Variants in PCCA observed in about 807,000 individuals in gnomAD.
PCCA encodes propionyl-CoA carboxylase subunit alpha.
PCCA carries 74 observed loss-of-function variants against 101.3 expected under a neutral mutation model. The ratio of observed to expected loss-of-function variants is 0.73; its 90% CI spans 0.61 to 0.89. The LOEUF is 0.89. PCCA is among the 40% of genes least tolerant of loss of function. The pLI, the probability that PCCA is intolerant of heterozygous loss-of-function variation, is 0.00. For synonymous variants in PCCA, 294 were observed against 313.6 expected (o/e 0.94, Z 0.66); for missense variants, 891 against 907.0 (o/e 0.98, Z 0.23).
intron 12 of PCCA, among the ~76,000 whole-genome samples, chr13:100,282,463 A>T (rs1156750118): frequency 6.6e-6 from 1 of 152,176 alleles, no homozygotes; most frequent in Non-Finnish European, 1.5e-5. Context: ...CGCAAGCTGG[A>T]ACTGGGGCTG....
At chr13:100,464,404 G>A (rs567564227) in intron 21 of PCCA, 11 of 152,248 alleles carry the variant, frequency 7.2e-5, no homozygotes, top group South Asian at 2.1e-4. Context: ...AAAAGAAAAC[G>A]TTTGTAAAAT....
chr13:100,094,281 A>G (rs1433474942), intron 1 of PCCA, among the ~76,000 whole-genome samples: 1 of 151,204 alleles, frequency 6.6e-6, no homozygotes, highest in Non-Finnish European at 1.5e-5. Context: ...AAGATCTTTG[A>G]TCTTTAATGA....
chr13:100,432,229 T>C (rs1184022492), intron 20 of PCCA, among the ~76,000 whole-genome samples: 1 of 152,208 alleles, frequency 6.6e-6, no homozygotes, highest in African/African-American at 2.4e-5. Context: ...CGTGCTTCTC[T>C]TCCCTTACTA....
At chr13:100,327,727 A>G (rs887052378) in intron 16 of PCCA, among the ~76,000 whole-genome samples, 2 of 152,192 alleles carry the variant, frequency 1.3e-5, no homozygotes, top group Non-Finnish European at 2.9e-5. Flanking sequence ...AGCACTTGCT[A>G]TTATCTGTCT....
chr13:100,515,605 T>TCC lies in PCCA; in HGVS notation c.2040+39_2040+40insCC. 5 of 1,609,310 alleles carry TCC rather than the reference T, an allele frequency of 3.1e-6. No individual in the cohort carries two copies. In the South Asian group the frequency reaches 5.5e-5, roughly 18 times the overall value. On this transcript the variant is annotated intron_variant, in intron 22 of 23. Coordinates refer to ENST00000376285, the MANE Select transcript of PCCA (RefSeq NM_000282.4). ...TGTGTCTCTCTGCAGGACATGCTGG[T>TCC]CTCCAACTTCCCCTTCCAAAGCGAC...
chr13:100,124,090 T>C (rs1220964562), intron 4 of PCCA, among the ~76,000 whole-genome samples: 2 of 152,212 alleles, frequency 1.3e-5, no homozygotes, highest in Non-Finnish European at 2.9e-5. Flanking sequence ...GACTAGTATG[T>C]CTTTCCACAA....
intron 6 of PCCA, among the ~76,000 whole-genome samples, chr13:100,195,155 G>T (rs2058029117): frequency 6.6e-6 from 1 of 152,066 alleles, no homozygotes; most frequent in Non-Finnish European, 1.5e-5. Context: ...GAGGTATAGA[G>T]GAAAGAAATT....
chr13:100,425,709 A>T lies in PCCA; in HGVS notation c.1823A>T (p.Asp608Val). 1.2e-6 allele frequency: 2 copies of T among 1,613,464 alleles called. No homozygotes were observed. The highest frequency in any genetic ancestry group is 2.7e-5 in the African/African-American group (2 of 75,048). The change falls in exon 20 of 24, where the codon GAT (aspartate) becomes GTT (valine). Residue 608 changes from aspartate to valine, a missense_variant. Asp to Val is a radical substitution (Grantham distance 152). Coordinates refer to ENST00000376285, the MANE Select transcript of PCCA (RefSeq NM_000282.4). ...LASPLLSVSV[D>V]GTQRTVQCLS... ...TCGCCCTTATTGTCTGTCAGCGTTG[A>T]TGGCACTCAGAGGACTGTCCAGGTG... is the stretch of plus-strand genomic sequence containing the variant.
chr13:100,209,726 G>C (rs1166032695), intron 7 of PCCA, among the ~76,000 whole-genome samples: 1 of 152,104 alleles, frequency 6.6e-6, no homozygotes, highest in African/African-American at 2.4e-5. Flanking sequence ...CTGCCTCCTG[G>C]GTTCAAGCGA....
intron 4 of PCCA, among the ~76,000 whole-genome samples, chr13:100,141,465 C>A (rs1026284235): frequency 2.0e-5 from 3 of 152,112 alleles, no homozygotes; most frequent in Non-Finnish European, 4.4e-5. Flanking sequence ...GGCTGGAGTG[C>A]AGTGGCGTGA....
At chr13:100,419,388 C>T (rs903370663) in intron 19 of PCCA, among the ~76,000 whole-genome samples, 5 of 151,604 alleles carry the variant, frequency 3.3e-5, no homozygotes, top group South Asian at 4.2e-4. Context: ...AGGAGAATTG[C>T]GTGAACCTGG....
At position 100,196,091 on chromosome 13, in the gene PCCA, T is replaced by TTAAAA. The variant is rs1458244409; in HGVS notation, c.469-13235_469-13231dup. The stretch of plus-strand genomic sequence containing the variant: ...TAACGAACATAGTAATTCAAATTTT[T>TTAAAA]TAAAATAAAAAGTTTCCTCCATAAA... On this transcript the variant is annotated intron_variant, in intron 6 of 23. Transcript: ENST00000376285. Among the ~76,000 whole-genome samples, 6 of 152,262 alleles carry TTAAAA rather than the reference T, an allele frequency of 3.9e-5. No individual in the cohort carries two copies. The East Asian group carries it at 1.2e-3, about 29-fold the overall frequency.
intron 6 of PCCA, among the ~76,000 whole-genome samples, chr13:100,181,353 A>T (rs746921377): frequency 3.9e-5 from 6 of 152,244 alleles, no homozygotes; most frequent in Non-Finnish European, 8.8e-5. Context: ...TTTAAAAAAT[A>T]AAGTAGGGCA....
intron 12 of PCCA, among the ~76,000 whole-genome samples, chr13:100,280,530 C>T (rs2064017675): frequency 1.3e-5 from 2 of 152,124 alleles, no homozygotes; most frequent in South Asian, 2.1e-4. Context: ...ACCACACACA[C>T]CTGTCTCCCC....
rs924371283 is a variant in PCCA at position 100,273,111 on chromosome 13, C to T, written c.915-85C>T. 36 of 1,000,210 alleles carry T rather than the reference C, an allele frequency of 3.6e-5. No homozygotes were observed. In the African/African-American group the frequency reaches 4.5e-4, roughly 12 times the overall value. The allele number at this position is 1,000,210 out of a possible 1,614,324, so 62.0% of individuals were successfully genotyped here. On this transcript the variant is annotated intron_variant, in intron 11 of 23. Transcript: ENST00000376285. ...TATAGATGATCTATATCTGAGTAAA[C>T]TTTAAGAAAATGTTTATGTAATGCA... is the stretch of plus-strand genomic sequence containing the variant.
intron 7 of PCCA, among the ~76,000 whole-genome samples, chr13:100,215,450 C>T (rs544679470): frequency 6.6e-6 from 1 of 152,050 alleles, no homozygotes; most frequent in Admixed American, 6.6e-5. Flanking sequence ...AAAAAGACTG[C>T]TGGAAGGTGG....
intron 6 of PCCA, among the ~76,000 whole-genome samples, chr13:100,207,813 G>A (rs2058954247): frequency 1.3e-5 from 2 of 151,794 alleles, no homozygotes; most frequent in South Asian, 4.2e-4. Context: ...AGATTAAGAG[G>A]TCGAGATCAT....
rs2048364039 is a variant in PCCA, at chr13:100,111,997, T to C, written c.236T>C (p.Ile79Thr). The C allele has an allele frequency of 6.2e-7, 1 of 1,604,798 alleles. No homozygotes were observed. Among genetic ancestry groups the C allele is most frequent in the Non-Finnish European group, 8.5e-7 (1 of 1,172,912 alleles). ...ANRGEIACRV[I>T]RTCKKMGIKT... ...CATTAATATATTTTAAAATAGGTTA[T>C]TAGAACTTGCAAGAAGATGGGCATT... The change falls in exon 4 of 24, where the codon ATT becomes ACT. Residue 79 changes from isoleucine (I) to threonine (T), a missense_variant. Physicochemically the swap from Ile to Thr is moderately conservative, Grantham distance 89 (BLOSUM62 -1). Transcript: ENST00000376285.
At chr13:100,333,540 A>T (rs1206981496) in intron 17 of PCCA, among the ~76,000 whole-genome samples, 1 of 152,248 alleles carries the variant, frequency 6.6e-6, no homozygotes, top group Non-Finnish European at 1.5e-5. Context: ...AAAAAATAGG[A>T]TACATGAGAA....
Sources: allele counts gnomAD v4.1 joint callset (sites outside exome capture counted in the v4.1 genomes callset), GRCh38; gene constraint gnomAD v4.1.1; transcripts MANE v1.5; gene names NCBI Gene and HGNC (gene_info 2026-07-23, HGNC 2026-07-21).